LRRC4C: variants seen among roughly 807,000 people sequenced by gnomAD.
LRRC4C encodes leucine-rich repeat-containing protein 4C.
A neutral mutation model predicts 33.6 loss-of-function variants in LRRC4C; 5 were observed. That is an observed-to-expected ratio of 0.15 (90% CI 0.08 to 0.31). The LOEUF (loss-of-function observed/expected upper bound fraction) is 0.31, where lower values mean the gene tolerates loss of function less well. Among genes scored for constraint, LRRC4C ranks in the 10% least tolerant of loss-of-function variants. LRRC4C has a pLI of 1.00. For synonymous variants in LRRC4C, 329 were observed against 302.0 expected (o/e 1.09, Z -0.93); for missense variants, 560 against 796.7 (o/e 0.70, Z 3.58).
chr11:40,897,827 T>C (rs1177422894), intron 2 of LRRC4C, among the ~76,000 whole-genome samples: 2 of 152,138 alleles, frequency 1.3e-5, no homozygotes, highest in Non-Finnish European at 2.9e-5. Flanking sequence ...TAAAACATAC[T>C]GATTGAAGAC....
intron 1 of LRRC4C, among the ~76,000 whole-genome samples, chr11:41,000,684 T>C (rs1165667179): frequency 2.0e-5 from 3 of 152,306 alleles, no homozygotes; most frequent in Admixed American, 6.5e-5. Context: ...GCCCTCACTG[T>C]TGCCAGTTTT....
chr11:40,528,059 A>G (rs1014064313), intron 3 of LRRC4C, among the ~76,000 whole-genome samples: 1 of 152,196 alleles, frequency 6.6e-6, no homozygotes, highest in Non-Finnish European at 1.5e-5. Context: ...AATTAAATTT[A>G]TCTGTCTATG....
rs181404851 is a variant in LRRC4C, at chr11:41,440,754, C to T, written c.-496+18677G>A. The stretch of plus-strand genomic sequence containing the variant: ...TCTCATGACAGTGAGTGAGTTCTCA[C>T]GAGATCTGGTAGTTTGATAAGTGTC... On this transcript the variant is annotated intron_variant, in intron 1 of 6. Transcript: ENST00000528697. 7.4e-4 allele frequency among the ~76,000 whole-genome samples: 113 copies of T among 152,196 alleles called. 1 individual carries two copies. Among genetic ancestry groups the T allele is most frequent in the Admixed American group, 1.4e-3 (21 of 15,276 alleles).
intron 1 of LRRC4C, among the ~76,000 whole-genome samples, chr11:40,961,417 T>C (rs561211405): frequency 2.6e-5 from 4 of 151,826 alleles, no homozygotes; most frequent in Non-Finnish European, 4.4e-5. Context: ...CAATCTCTCT[T>C]AGGCTTCAGA....
chr11:40,937,458 C>T (rs1053936628), intron 1 of LRRC4C, among the ~76,000 whole-genome samples: 2 of 151,906 alleles, frequency 1.3e-5, no homozygotes, highest in Non-Finnish European at 2.9e-5. Flanking sequence ...ACTTCCATGT[C>T]TAATATAATA....
chr11:40,798,778 G>T (rs1950930175), intron 2 of LRRC4C, among the ~76,000 whole-genome samples: 1 of 151,430 alleles, frequency 6.6e-6, no homozygotes, highest in African/African-American at 2.4e-5. Context: ...CAAGTAGCTG[G>T]GATTACAGGC....
chr11:40,732,333 C>T (rs908679837), intron 2 of LRRC4C, among the ~76,000 whole-genome samples: 1 of 152,114 alleles, frequency 6.6e-6, no homozygotes. Context: ...TAAATATTGG[C>T]GTCCAAAATG....
At chr11:41,156,316 T>G (rs1944231426) in intron 1 of LRRC4C, among the ~76,000 whole-genome samples, 1 of 152,156 alleles carries the variant, frequency 6.6e-6, no homozygotes, top group Admixed American at 6.6e-5. Flanking sequence ...TATTACTATT[T>G]TCTCTAATAC....
intron 1 of LRRC4C, among the ~76,000 whole-genome samples, chr11:41,326,043 T>C (rs11036357): frequency 0.18 from 27,262 of 151,942 alleles, 2,854 homozygotes; most frequent in East Asian, 0.45. Flanking sequence ...GCATTGTTCT[T>C]GGGTGTGTCT....
chr11:40,392,211 T>A (rs1949364678), intron 3 of LRRC4C, among the ~76,000 whole-genome samples: 1 of 152,286 alleles, frequency 6.6e-6, no homozygotes, highest in African/African-American at 2.4e-5. Context: ...GCAGTGAAAC[T>A]ATTCTGTATG....
chr11:41,137,496 A>G (rs185782489), intron 1 of LRRC4C, among the ~76,000 whole-genome samples: 3 of 152,300 alleles, frequency 2.0e-5, no homozygotes, highest in Non-Finnish European at 2.9e-5. Context: ...ATGATAATGC[A>G]TATGCTTATA....
chr11:40,626,073 C>T (rs1179806902), intron 3 of LRRC4C, among the ~76,000 whole-genome samples: 1 of 152,040 alleles, frequency 6.6e-6, no homozygotes, highest in Non-Finnish European at 1.5e-5. Flanking sequence ...AACATGTTCT[C>T]CTCACCTCTC....
Position 40,318,831 on chromosome 11 carries a change from T to C in LRRC4C, c.-176+797A>G, listed in dbSNP as rs182668995. 6.1e-3 allele frequency among the ~76,000 whole-genome samples: 930 copies of C among 152,326 alleles called. 2 individuals are homozygous for C. Among genetic ancestry groups the C allele is most frequent in the Non-Finnish European group, 1.0e-2 (678 of 68,026 alleles). The stretch of plus-strand genomic sequence containing the variant: ...AGTAAAAACATAAATGGTAGTAGTC[T>C]ACTATATAGTCATCTGCTCTGTGAT... On this transcript the variant is annotated intron_variant, in intron 4 of 6. Transcript: ENST00000528697.
At chr11:40,512,862 A>C (rs1353866594) in intron 3 of LRRC4C, among the ~76,000 whole-genome samples, 1 of 152,190 alleles carries the variant, frequency 6.6e-6, no homozygotes, top group Non-Finnish European at 1.5e-5. Context: ...GCTCTGTTTC[A>C]GACACTGAGA....
intron 5 of LRRC4C, among the ~76,000 whole-genome samples, chr11:40,161,843 GA>G (rs1262467648): frequency 6.6e-6 from 1 of 152,192 alleles, no homozygotes; most frequent in Non-Finnish European, 1.5e-5. Flanking sequence ...ACAATTTACA[GA>G]ATCTAGGAGA....
intron 6 of LRRC4C, among the ~76,000 whole-genome samples, chr11:40,137,733 T>A (rs1262655766): frequency 6.6e-6 from 1 of 152,174 alleles, no homozygotes; most frequent in Non-Finnish European, 1.5e-5. Flanking sequence ...ATTAAAGATC[T>A]CTCCTTTTTC....
chr11:40,189,717 A>G (rs1207734649), intron 5 of LRRC4C, among the ~76,000 whole-genome samples: 2 of 152,142 alleles, frequency 1.3e-5, no homozygotes, highest in African/African-American at 4.8e-5. Flanking sequence ...CCTCTATGTG[A>G]TCATTCGAAT....
intron 2 of LRRC4C, among the ~76,000 whole-genome samples, chr11:40,691,143 AAC>A (rs1254857146): frequency 6.6e-6 from 1 of 152,026 alleles, no homozygotes; most frequent in Non-Finnish European, 1.5e-5. Flanking sequence ...CCATTTTATA[AAC>A]ACAAAAAAAG....
At chr11:41,201,903 C>T (rs1317429387) in intron 1 of LRRC4C, among the ~76,000 whole-genome samples, 1 of 65,434 alleles carries the variant, frequency 1.5e-5, no homozygotes, top group Admixed American at 2.3e-4. Context: ...TCTACACACA[C>T]ACACATACAC....
Sources: gnomAD v4.1 joint callset for allele counts (sites outside exome capture counted in the v4.1 genomes callset) on GRCh38, gnomAD v4.1.1 for gene constraint, MANE v1.5 for transcripts, NCBI Gene and HGNC (gene_info 2026-07-23, HGNC 2026-07-21) for gene names.